ZNF667: variants seen among roughly 807,000 people sequenced by gnomAD.
ZNF667 encodes the protein zinc finger protein 667.
In ZNF667, 13 loss-of-function variants were observed where a neutral mutation model predicts 31.8. That is an observed-to-expected ratio of 0.41 (90% CI 0.27 to 0.65). The LOEUF is 0.65. Ranked by LOEUF, ZNF667 falls within the 30% of genes least tolerant of loss-of-function variation. The pLI is 0.32. For synonymous variants in ZNF667, 228 were observed against 247.1 expected (o/e 0.92, Z 0.73); for missense variants, 642 against 725.6 (o/e 0.88, Z 1.32).
intron 4 of ZNF667, among the ~76,000 whole-genome samples, chr19:56,461,373 T>A (rs1243476165): frequency 2.0e-5 from 3 of 152,214 alleles, no homozygotes; most frequent in Non-Finnish European, 4.4e-5. Context: ...TGGCAGATTA[T>A]CTTGGACTTG....
chr19:56,441,810 G>A lies in ZNF667; in HGVS notation c.1185C>T (p.Cys395=), dbSNP rs200542547. 6.8e-6 allele frequency: 11 copies of A among 1,613,890 alleles called. No individual in the cohort carries two copies. The African/African-American group carries it at 1.2e-4, about 18-fold the overall frequency. ...LYRCNKCEKV[C]NRHSSLIQHQ... Reference sequence around the variant, plus strand: ...GTTGAATAAGGGATGAATGCCGATTGCAGACCTTCTCACATTTATTGCATC... The same window carrying A: ...GTTGAATAAGGGATGAATGCCGATTACAGACCTTCTCACATTTATTGCATC... The change falls in exon 7 of 7, where the codon TGC becomes TGT. Residue 395 remains cysteine (C), a synonymous_variant. Transcript: ENST00000504904. This position sits in a 1 kb window ranked among gnomAD's most constrained non-coding sequence, Gnocchi z 4.2.
At position 56,442,540 on chromosome 19, in the gene ZNF667, G is replaced by T. The variant is rs2042633039; in HGVS notation, c.455C>A (p.Thr152Asn). The T allele has an allele frequency of 2.1e-5, 34 of 1,614,012 alleles. No individual in the cohort carries two copies. Among genetic ancestry groups the T allele is most frequent in the Non-Finnish European group, 2.9e-5 (34 of 1,179,986 alleles). Residue 152 changes from threonine (T) to asparagine (N), a missense_variant, in exon 7 of 7, where the codon ACC becomes AAC. Coordinates refer to ENST00000504904, the MANE Select transcript of ZNF667 (RefSeq NM_001321356.2). The part of the protein sequence containing the change: ...KPLKCNDCGK[T>N]FSRSFSLKLH... The stretch of plus-strand genomic sequence containing the variant: ...TTTAAGAGAGAAGCTTCGACTAAAG[G>T]TTTTACCACAGTCATTACATTTTAA...
At chr19:56,469,496 A>C (rs907458242) in intron 3 of ZNF667, among the ~76,000 whole-genome samples, 1 of 152,144 alleles carries the variant, frequency 6.6e-6, no homozygotes, top group Non-Finnish European at 1.5e-5. Flanking sequence ...GGGAGTTGTA[A>C]GAATGAAGAA....
At chr19:56,467,503 C>T (rs1177354098) in intron 3 of ZNF667, among the ~76,000 whole-genome samples, 1 of 152,130 alleles carries the variant, frequency 6.6e-6, no homozygotes, top group African/African-American at 2.4e-5. Flanking sequence ...AGCTGGGTGT[C>T]CTCCAACTCA....
Position 56,441,610 on chromosome 19 carries a change from T to C in ZNF667, c.1385A>G (p.Gln462Arg). Residue 462 changes from glutamine (Q) to arginine (R), a missense_variant, in exon 7 of 7, where the codon CAA becomes CGA. By Grantham distance (43) the Gln-to-Arg change is conservative. Coordinates refer to ENST00000504904, the MANE Select transcript of ZNF667 (RefSeq NM_001321356.2). This position sits in a 1 kb window ranked among gnomAD's most constrained non-coding sequence, Gnocchi z 4.2. ...FGRQSFLIEH[Q>R]RIHTGEKPYQ... ...GGGTTTTTCTCCAGTATGAATTCTT[T>C]GATGTTCAATAAGAAATGATTGGCG... The C allele has an allele frequency of 6.2e-7, 1 of 1,614,140 alleles. No homozygotes were observed. Among genetic ancestry groups the C allele is most frequent in the Non-Finnish European group, 8.5e-7 (1 of 1,180,014 alleles).
intron 2 of ZNF667, 98 bp downstream of exon 2, chr19:56,473,914 G>A (rs1600467669): frequency 6.6e-6 from 1 of 152,294 alleles, no homozygotes; most frequent in East Asian, 1.9e-4. Flanking sequence ...GTGTGAGTAT[G>A]GAAAAATCCA....
Position 56,448,109 on chromosome 19 carries a change from C to A in ZNF667, c.254-5368G>T, listed in dbSNP as rs550446838. Among the ~76,000 whole-genome samples the A allele has an allele frequency of 1.8e-3, 268 of 152,182 alleles. 1 individual carries two copies. The highest frequency in any genetic ancestry group is 6.2e-3 in the African/African-American group (259 of 41,510). ...GGTAGAAAAGACAGTCATCATATGC[C>A]TGCACCACCCCTCCCCCAATGCCTG... is the stretch of plus-strand genomic sequence containing the variant. On this transcript the variant is annotated intron_variant, in intron 6 of 6. Coordinates refer to ENST00000504904, the MANE Select transcript of ZNF667 (RefSeq NM_001321356.2).
intron 6 of ZNF667, among the ~76,000 whole-genome samples, chr19:56,447,648 C>T (rs890369379): frequency 1.3e-5 from 2 of 152,034 alleles, no homozygotes; most frequent in African/African-American, 2.4e-5. Flanking sequence ...TTTGGGAGGC[C>T]GAGGTGGGTG....
intron 1 of ZNF667, chr19:56,475,335 C>G (rs2043381122): frequency 6.6e-6 from 1 of 152,142 alleles, no homozygotes; most frequent in African/African-American, 2.4e-5. Flanking sequence ...GGCTGCAGGC[C>G]GTTTCTTCTC....
intron 3 of ZNF667, chr19:56,469,008 T>C (rs1490529213): frequency 6.6e-6 from 1 of 152,208 alleles, no homozygotes; most frequent in Non-Finnish European, 1.5e-5. Flanking sequence ...CAAGAGGAAA[T>C]GAACACAGTG....
rs1389585073 is a variant in ZNF667, at chr19:56,455,659, CA to C, written c.253+2495del. Among the ~76,000 whole-genome samples the C allele has an allele frequency of 2.6e-5, 4 of 152,096 alleles. No individual in the cohort carries two copies. The East Asian group carries it at 7.7e-4, about 29-fold the overall frequency. Reference sequence around the variant, plus strand: ...GAAAAAAGGAGATGGTTAGTGGGTACAAAAATACAGTTAAGATGCAATAAAT... The same window carrying C: ...GAAAAAAGGAGATGGTTAGTGGGTACAAAATACAGTTAAGATGCAATAAAT... On this transcript the variant is annotated intron_variant, in intron 6 of 6. Transcript: ENST00000504904.
intron 6 of ZNF667, among the ~76,000 whole-genome samples, chr19:56,446,741 T>A (rs1209560863): frequency 6.6e-6 from 1 of 152,182 alleles, no homozygotes; most frequent in Non-Finnish European, 1.5e-5. Flanking sequence ...CACAGGAAGA[T>A]AATGGAAATG....
At chr19:56,458,096 C>T in intron 6 of ZNF667, 59 bp downstream of exon 6, 1 of 1,437,406 alleles carries the variant, frequency 7.0e-7, no homozygotes, top group Non-Finnish European at 9.8e-7. Flanking sequence ...TAATATATGG[C>T]ATTCTGTTAT....
At position 56,474,043 on chromosome 19, in the gene ZNF667, T is replaced by A. The variant is rs1307426200; in HGVS notation, c.-580A>T. On this transcript the variant is annotated 5_prime_UTR_variant, in exon 2 of 7. Transcript: ENST00000504904. Reference sequence around the variant, plus strand: ...AAGGCAGGGCTGTAAACCTGGCTCGTCTTCCGAGTCCCTGATGATAGATGA... The same window carrying A: ...AAGGCAGGGCTGTAAACCTGGCTCGACTTCCGAGTCCCTGATGATAGATGA... 2.0e-5 allele frequency: 3 copies of A among 152,182 alleles called. No individual in the cohort carries two copies. Among genetic ancestry groups the A allele is most frequent in the Non-Finnish European group, 2.9e-5 (2 of 68,040 alleles). 9.4% of individuals were successfully genotyped at this position (152,182 alleles called of 1,614,324 possible).
chr19:56,458,166 C>T lies in ZNF667; in HGVS notation c.242G>A (p.Arg81His), dbSNP rs546201102. The T allele has an allele frequency of 6.8e-6, 11 of 1,614,008 alleles. No individual in the cohort carries two copies. Among genetic ancestry groups the T allele is most frequent in the African/African-American group, 1.3e-5 (1 of 74,930 alleles). The stretch of plus-strand genomic sequence containing the variant: ...TCTCTGTCACTCACCAGGAGCCCGG[C>T]GTCTTCTTACTGGCTCTACCATCCA... ...APWMVEPVRR[R>H]RAPDSGSKCE... Residue 81 changes from arginine to histidine, a missense_variant, in exon 6 of 7, where the codon CGC becomes CAC. Coordinates refer to ENST00000504904, the MANE Select transcript of ZNF667 (RefSeq NM_001321356.2).
At chr19:56,448,135 G>C (rs2042742986) in intron 6 of ZNF667, among the ~76,000 whole-genome samples, 1 of 152,104 alleles carries the variant, frequency 6.6e-6, no homozygotes, top group Non-Finnish European at 1.5e-5. Flanking sequence ...CCAATGCCTG[G>C]CAGTGCAGCA....
chr19:56,450,532 C>T (rs2042799502), intron 6 of ZNF667, among the ~76,000 whole-genome samples: 1 of 152,042 alleles, frequency 6.6e-6, no homozygotes, highest in African/African-American at 2.4e-5. Context: ...TCTGAACATA[C>T]AACACTCACT....
intron 6 of ZNF667, among the ~76,000 whole-genome samples, chr19:56,457,809 A>G (rs1052310057): frequency 7.2e-5 from 11 of 152,200 alleles, no homozygotes; most frequent in African/African-American, 2.4e-4. Context: ...TTGAAATTTT[A>G]CCATCTAAGG....
chr19:56,452,487 C>A (rs1005312179), intron 6 of ZNF667, among the ~76,000 whole-genome samples: 7 of 151,876 alleles, frequency 4.6e-5, no homozygotes, highest in Non-Finnish European at 1.0e-4. Flanking sequence ...AACGCCTACA[C>A]CAAAAAAGTA....
Sources: gnomAD v4.1 joint callset for allele counts (sites outside exome capture counted in the v4.1 genomes callset) on GRCh38, gnomAD v4.1.1 for gene constraint, Gnocchi (gnomAD v3.1) non-coding constraint, MANE v1.5 for transcripts, NCBI Gene and HGNC (gene_info 2026-07-23, HGNC 2026-07-21) for gene names.